Variants in NKAIN2 observed in about 807,000 individuals in gnomAD.
NKAIN2 encodes the protein sodium/potassium-transporting ATPase subunit beta-1-interacting protein 2.
A neutral mutation model predicts 32.6 loss-of-function variants in NKAIN2; 14 were observed. The ratio of observed to expected loss-of-function variants is 0.43; its 90% CI spans 0.28 to 0.67. The LOEUF (loss-of-function observed/expected upper bound fraction) is 0.67, where lower values mean the gene tolerates loss of function less well. NKAIN2 is among the 30% of genes least tolerant of loss of function. The pLI is 0.17. For synonymous variants in NKAIN2, 80 were observed against 87.2 expected (o/e 0.92, Z 0.46); for missense variants, 198 against 258.3 (o/e 0.77, Z 1.60).
chr6:124,109,938 A>C (rs1268068778), intron 1 of NKAIN2, among the ~76,000 whole-genome samples: 3 of 152,050 alleles, frequency 2.0e-5, no homozygotes, highest in African/African-American at 4.8e-5. Flanking sequence ...CTTGCATCAC[A>C]GGAATAAATG....
At chr6:124,484,205 A>C (rs1225150540) in intron 3 of NKAIN2, among the ~76,000 whole-genome samples, 1 of 152,206 alleles carries the variant, frequency 6.6e-6, no homozygotes, top group African/African-American at 2.4e-5. Context: ...AGAACTCTAC[A>C]TGTCCTAAAA....
intron 1 of NKAIN2, among the ~76,000 whole-genome samples, chr6:124,125,417 A>G (rs1786109719): frequency 6.6e-6 from 1 of 152,162 alleles, no homozygotes; most frequent in Non-Finnish European, 1.5e-5. Flanking sequence ...TGAGACATCA[A>G]TTTTTATCTG....
intron 3 of NKAIN2, among the ~76,000 whole-genome samples, chr6:124,411,528 G>A (rs961675733): frequency 1.3e-5 from 2 of 152,242 alleles, no homozygotes; most frequent in Non-Finnish European, 2.9e-5. Context: ...CTTCTGGCTT[G>A]TAGAGTTTCT....
At chr6:124,684,832 C>A (rs1773786294) in intron 4 of NKAIN2, among the ~76,000 whole-genome samples, 1 of 152,124 alleles carries the variant, frequency 6.6e-6, no homozygotes, top group African/African-American at 2.4e-5. Context: ...CACCCTAACC[C>A]CCAAATACCT....
chr6:124,518,168 G>A (rs1778985552), intron 3 of NKAIN2, among the ~76,000 whole-genome samples: 1 of 151,586 alleles, frequency 6.6e-6, no homozygotes, highest in Non-Finnish European at 1.5e-5. Flanking sequence ...TACACTATCT[G>A]TAAAAGCATG....
intron 1 of NKAIN2, among the ~76,000 whole-genome samples, chr6:124,099,911 T>C (rs1157618398): frequency 2.0e-5 from 3 of 152,204 alleles, no homozygotes; most frequent in African/African-American, 4.8e-5. Flanking sequence ...TCTTTTTGTC[T>C]GTTTATTTTG....
chr6:124,514,976 TAA>T (rs1277447484), intron 3 of NKAIN2, among the ~76,000 whole-genome samples: 12 of 152,188 alleles, frequency 7.9e-5, no homozygotes, highest in Non-Finnish European at 1.6e-4. Context: ...TAAAGGGAAA[TAA>T]AATTTTTAAA....
At chr6:123,873,427 C>A (rs1773004814) in intron 1 of NKAIN2, among the ~76,000 whole-genome samples, 1 of 152,092 alleles carries the variant, frequency 6.6e-6, no homozygotes, top group Non-Finnish European at 1.5e-5. Flanking sequence ...TCCTTGTAGG[C>A]CATGGGAAAG....
intron 3 of NKAIN2, among the ~76,000 whole-genome samples, chr6:124,446,206 G>C (rs1465882916): frequency 6.6e-6 from 1 of 152,110 alleles, no homozygotes; most frequent in Non-Finnish European, 1.5e-5. Flanking sequence ...TTCTATAAGA[G>C]TGTCACATAT....
At chr6:124,070,647 A>C (rs1320057634) in intron 1 of NKAIN2, among the ~76,000 whole-genome samples, 1 of 152,092 alleles carries the variant, frequency 6.6e-6, no homozygotes, top group Non-Finnish European at 1.5e-5. Context: ...GTTTATTCTG[A>C]CTATCACACC....
intron 3 of NKAIN2, among the ~76,000 whole-genome samples, chr6:124,565,445 A>G (rs1367130902): frequency 1.3e-5 from 2 of 152,224 alleles, no homozygotes; most frequent in South Asian, 2.1e-4. Flanking sequence ...TAGACATTTT[A>G]TCAGACTATT....
intron 4 of NKAIN2, 68 bp downstream of exon 4, chr6:124,658,454 TG>T (rs1217993090): frequency 6.2e-7 from 1 of 1,610,562 alleles, no homozygotes; most frequent in Non-Finnish European, 8.5e-7. Flanking sequence ...GCGAACTCAG[TG>T]CACACAAATG....
chr6:124,334,975 T>C (rs182556415), intron 2 of NKAIN2, among the ~76,000 whole-genome samples: 94 of 152,320 alleles, frequency 6.2e-4, no homozygotes, highest in African/African-American at 2.3e-3. Context: ...CTCACTGTTA[T>C]GATTTTTGCA....
At chr6:124,451,142 A>G (rs989888729) in intron 3 of NKAIN2, among the ~76,000 whole-genome samples, 2 of 152,138 alleles carry the variant, frequency 1.3e-5, no homozygotes, top group East Asian at 1.9e-4. Flanking sequence ...TCACTTATCT[A>G]TATTCATTGA....
At chr6:123,993,076 A>G (rs887804288) in intron 1 of NKAIN2, among the ~76,000 whole-genome samples, 4 of 152,344 alleles carry the variant, frequency 2.6e-5, no homozygotes, top group African/African-American at 7.2e-5. Flanking sequence ...TGAGGATTAA[A>G]TAGACTAAAC....
intron 1 of NKAIN2, among the ~76,000 whole-genome samples, chr6:124,112,581 G>C (rs1785433834): frequency 6.6e-6 from 1 of 152,070 alleles, no homozygotes; most frequent in South Asian, 2.1e-4. Flanking sequence ...CTTTGGATTT[G>C]TGGATATGGA....
intron 3 of NKAIN2, among the ~76,000 whole-genome samples, chr6:124,415,341 C>T (rs146621938): frequency 1.9e-4 from 29 of 152,290 alleles, no homozygotes; most frequent in African/African-American, 6.5e-4. Flanking sequence ...ACCACACTTA[C>T]TTTCATTCAA....
intron 1 of NKAIN2, among the ~76,000 whole-genome samples, chr6:123,954,110 CA>C (rs1436323983): frequency 6.6e-6 from 1 of 152,174 alleles, no homozygotes; most frequent in Non-Finnish European, 1.5e-5. Context: ...CCAGCTGCAG[CA>C]GTTACTGTAG....
At chr6:124,791,485 A>G (rs1282341986) in intron 5 of NKAIN2, 86 bp downstream of exon 5, 1 of 830,178 alleles carries the variant, frequency 1.2e-6, no homozygotes, top group Admixed American at 1.8e-5. Flanking sequence ...TTCCTCAGAC[A>G]AGATCCTACA....
Sources: allele counts gnomAD v4.1 joint callset (sites outside exome capture counted in the v4.1 genomes callset), GRCh38; gene constraint gnomAD v4.1.1; transcripts MANE v1.5; gene names NCBI Gene and HGNC (gene_info 2026-07-23, HGNC 2026-07-21).